Variants in WWOX observed in about 807,000 individuals in gnomAD.
WWOX encodes the protein WW domain containing oxidoreductase, also known as WW domain-containing oxidoreductase.
Under a neutral mutation model 46.2 loss-of-function variants are expected in WWOX, and 69 were observed. The observed-to-expected ratio is 1.49, with a 90% CI of 1.23 to 1.82. WWOX has a LOEUF of 1.82. WWOX is among the 40% of genes most tolerant of loss of function. The probability of loss-of-function intolerance (pLI) is 0.00; values close to 1 mark genes in which losing one functional copy is unlikely to be tolerated. For synonymous variants in WWOX, 359 were observed against 202.6 expected (o/e 1.77, Z -6.56); for missense variants, 919 against 542.6 (o/e 1.69, Z -6.89).
chr16:78,522,997 G>A (rs1161800582), intron 8 of WWOX, among the ~76,000 whole-genome samples: 1 of 152,188 alleles, frequency 6.6e-6, no homozygotes, highest in Non-Finnish European at 1.5e-5. Flanking sequence ...GTTTGAAGCT[G>A]GGAGGCGGAG....
At chr16:78,237,823 A>G (rs1283630326) in intron 5 of WWOX, 1 of 152,222 alleles carries the variant, frequency 6.6e-6, no homozygotes, top group Non-Finnish European at 1.5e-5. Context: ...TTATGTAAAT[A>G]CCTCTGTAAT....
intron 8 of WWOX, among the ~76,000 whole-genome samples, chr16:79,029,473 A>T (rs1225256356): frequency 2.0e-5 from 3 of 152,218 alleles, no homozygotes; most frequent in Non-Finnish European, 4.4e-5. Flanking sequence ...GCTATTACTC[A>T]TCTGAAGTTA....
chr16:78,282,689 A>G (rs2079699868), intron 5 of WWOX, among the ~76,000 whole-genome samples: 1 of 151,986 alleles, frequency 6.6e-6, no homozygotes, highest in Admixed American at 6.6e-5. Flanking sequence ...AGGCTGGCCA[A>G]TGTGATGTGA....
chr16:78,355,399 G>C, intron 5 of WWOX: 1 of 244,168 alleles, frequency 4.1e-6, no homozygotes, highest in Non-Finnish European at 8.0e-6. Context: ...TCAGGAGATC[G>C]AGACCATCCT....
At chr16:78,370,660 A>G (rs2151920949) in intron 5 of WWOX, among the ~76,000 whole-genome samples, 1 of 152,030 alleles carries the variant, frequency 6.6e-6, no homozygotes, top group Non-Finnish European at 1.5e-5. Flanking sequence ...TCTGGGAGAA[A>G]CATCTAAGTT....
intron 8 of WWOX, among the ~76,000 whole-genome samples, chr16:79,015,607 A>G (rs1398678263): frequency 6.6e-5 from 10 of 152,178 alleles, no homozygotes; most frequent in African/African-American, 2.2e-4. Context: ...CCATATTCAT[A>G]TCTGCAACCA....
chr16:78,779,933 C>G (rs745535559), intron 8 of WWOX, among the ~76,000 whole-genome samples: 1 of 152,178 alleles, frequency 6.6e-6, no homozygotes, highest in Admixed American at 6.5e-5. Context: ...ATTGCAGCCA[C>G]AAATCAATAA....
chr16:78,634,239 G>A (rs1405225082), intron 8 of WWOX, among the ~76,000 whole-genome samples: 2 of 152,174 alleles, frequency 1.3e-5, no homozygotes, highest in Admixed American at 1.3e-4. Flanking sequence ...GCTAAGAGCA[G>A]GCAGTTAGTT....
At position 78,698,269 on chromosome 16, in the gene WWOX, C is replaced by CTTT. The variant is rs1270822016; in HGVS notation, c.1056+265518_1056+265520dup. ...AAGACTCAGATGAGGTTCTTGAGTA[C>CTTT]TTTCAATTAGGTTTACCACTGACCC... On this transcript the variant is annotated intron_variant, in intron 8 of 8. Coordinates refer to ENST00000566780, the MANE Select transcript of WWOX (RefSeq NM_016373.4). 2.6e-4 allele frequency among the ~76,000 whole-genome samples: 40 copies of CTTT among 152,274 alleles called. 1 individual carries two copies. The highest frequency in any genetic ancestry group is 1.2e-4 in the Non-Finnish European group (8 of 68,036).
chr16:79,207,192 G>C (rs1017903277), intron 8 of WWOX, among the ~76,000 whole-genome samples: 11 of 152,232 alleles, frequency 7.2e-5, no homozygotes, highest in African/African-American at 2.7e-4. Context: ...GTAGCTCTCT[G>C]ATAAATGATT....
intron 8 of WWOX, among the ~76,000 whole-genome samples, chr16:78,821,898 G>A (rs568444918): frequency 6.6e-6 from 1 of 152,078 alleles, no homozygotes; most frequent in South Asian, 2.1e-4. Flanking sequence ...TTTTTTTTAA[G>A]AGACAGAATC....
intron 8 of WWOX, among the ~76,000 whole-genome samples, chr16:78,705,148 G>A (rs1260665365): frequency 6.6e-6 from 1 of 152,066 alleles, no homozygotes; most frequent in African/African-American, 2.4e-5. Flanking sequence ...GATTTTCTTT[G>A]ATATTAAAAA....
intron 5 of WWOX, among the ~76,000 whole-genome samples, chr16:78,312,480 CAG>C: frequency 6.6e-6 from 1 of 151,236 alleles, no homozygotes; most frequent in East Asian, 2.0e-4. Context: ...TGTGTTCAAG[CAG>C]TTCTGCCTCA....
intron 5 of WWOX, among the ~76,000 whole-genome samples, chr16:78,173,455 ATTTTTT>A (rs35394224): frequency 1.5e-5 from 2 of 135,854 alleles, no homozygotes; most frequent in South Asian, 2.5e-4. Flanking sequence ...CACCTGGCTA[ATTTTTT>A]TTTTTTTTTT....
At chr16:78,371,161 G>A (rs1034665939) in intron 5 of WWOX, among the ~76,000 whole-genome samples, 8 of 152,060 alleles carry the variant, frequency 5.3e-5, no homozygotes, top group South Asian at 2.1e-4. Flanking sequence ...AAGTTGATAC[G>A]CACAGTTCCT....
chr16:78,516,951 T>G (rs2667611), intron 8 of WWOX, among the ~76,000 whole-genome samples: 129,097 of 151,988 alleles, frequency 0.85, 55,472 homozygotes, highest in East Asian at 1. Context: ...TTTTGGAGAC[T>G]TGGGTCTGTT....
At chr16:78,224,934 A>G (rs1190880034) in intron 5 of WWOX, among the ~76,000 whole-genome samples, 1 of 152,054 alleles carries the variant, frequency 6.6e-6, no homozygotes, top group Admixed American at 6.6e-5. Flanking sequence ...ACTGATTTCT[A>G]TCTTGGTGTC....
chr16:78,717,338 A>G lies in WWOX; in HGVS notation c.1056+284586A>G, dbSNP rs559157385. ...AATTACAATAAGTGCAGAACTTGCA[A>G]TAATGTAATTGAAATAATGTAATAC... On this transcript the variant is annotated intron_variant, in intron 8 of 8. Coordinates refer to ENST00000566780, the MANE Select transcript of WWOX (RefSeq NM_016373.4). Among the ~76,000 whole-genome samples, 9 of 152,364 alleles carry G rather than the reference A, an allele frequency of 5.9e-5. No homozygotes were observed. The South Asian group carries it at 1.7e-3, about 28-fold the overall frequency.
intron 5 of WWOX, among the ~76,000 whole-genome samples, chr16:78,375,107 C>T (rs1478867216): frequency 6.6e-6 from 1 of 152,198 alleles, no homozygotes; most frequent in Non-Finnish European, 1.5e-5. Flanking sequence ...TCCAGTTTAT[C>T]TATTAAACAT....
Sources: allele counts gnomAD v4.1 joint callset (sites outside exome capture counted in the v4.1 genomes callset), GRCh38; gene constraint gnomAD v4.1.1; transcripts MANE v1.5; gene names NCBI Gene and HGNC (gene_info 2026-07-23, HGNC 2026-07-21).